Variants in IFT122 observed in about 807,000 individuals in gnomAD.
The protein encoded by IFT122 is intraflagellar transport 122, also known as intraflagellar transport protein 122 homolog.
A neutral mutation model predicts 161.6 loss-of-function variants in IFT122; 118 were observed. The observed-to-expected ratio is 0.73, with a 90% CI of 0.63 to 0.85. The LOEUF (loss-of-function observed/expected upper bound fraction) is 0.85, where lower values mean the gene tolerates loss of function less well. Ranked by LOEUF, IFT122 falls within the 40% of genes least tolerant of loss-of-function variation. The pLI, the probability that IFT122 is intolerant of heterozygous loss-of-function variation, is 0.00. For missense variants in IFT122, 1,381 were observed against 1,579.6 expected, an observed-to-expected ratio of 0.87 and a Z score of 2.13; for synonymous variants, 550 against 602.4, an observed-to-expected ratio of 0.91 and a Z score of 1.27.
intron 23 of IFT122, among the ~76,000 whole-genome samples, chr3:129,510,541 G>C (rs1322348091): frequency 2.0e-5 from 3 of 152,132 alleles, no homozygotes; most frequent in Non-Finnish European, 4.4e-5. Flanking sequence ...CTCAACTTAG[G>C]CTGGAAGTCA....
chr3:129,510,504 G>A (rs1448377373), intron 23 of IFT122, among the ~76,000 whole-genome samples: 2 of 152,274 alleles, frequency 1.3e-5, no homozygotes, highest in African/African-American at 4.8e-5. Context: ...CTCACCTGGA[G>A]AGAAACCACC....
chr3:129,440,920 T>C (rs942636081), intron 1 of IFT122, among the ~76,000 whole-genome samples: 1 of 152,212 alleles, frequency 6.6e-6, no homozygotes, highest in African/African-American at 2.4e-5. Flanking sequence ...AAGCTGTAGC[T>C]AGCTATTGTT....
intron 1 of IFT122, among the ~76,000 whole-genome samples, chr3:129,444,081 C>T (rs558618358): frequency 3.0e-4 from 46 of 152,284 alleles, no homozygotes; most frequent in Non-Finnish European, 4.1e-4. Flanking sequence ...AAGTGTCAGG[C>T]GCTTTGGATA....
chr3:129,452,705 T>C (rs1393339250), intron 3 of IFT122, among the ~76,000 whole-genome samples: 1 of 152,206 alleles, frequency 6.6e-6, no homozygotes, highest in Admixed American at 6.5e-5. Context: ...TCAGTCAAAA[T>C]GGAACTACTG....
intron 16 of IFT122, 92 bp downstream of exon 16, chr3:129,488,489 G>A: frequency 6.5e-7 from 1 of 1,537,610 alleles, no homozygotes; most frequent in Non-Finnish European, 9.0e-7. Context: ...AGAGGCCATA[G>A]ACTGCAGCAG....
At chr3:129,517,690 G>A (rs1211083966) in intron 27 of IFT122, 96 bp downstream of exon 27, 39 of 1,468,530 alleles carry the variant, frequency 2.7e-5, no homozygotes, top group African/African-American at 2.8e-5. Flanking sequence ...GGGATCGCGG[G>A]CCATGCTGAG....
intron 1 of IFT122, among the ~76,000 whole-genome samples, chr3:129,442,335 AGTGGTT>A (rs1278608802): frequency 1.3e-5 from 2 of 152,182 alleles, no homozygotes; most frequent in Non-Finnish European, 2.9e-5. Flanking sequence ...GAGACAGGTC[AGTGGTT>A]GTTGTTACTA....
intron 8 of IFT122, among the ~76,000 whole-genome samples, chr3:129,468,322 C>A (rs1220606005): frequency 6.6e-6 from 1 of 152,084 alleles, no homozygotes; most frequent in African/African-American, 2.4e-5. Context: ...GGATTAAGAC[C>A]CAGCCTCAAG....
intron 5 of IFT122, among the ~76,000 whole-genome samples, chr3:129,462,427 T>A (rs2076297391): frequency 6.6e-6 from 1 of 152,222 alleles, no homozygotes; most frequent in African/African-American, 2.4e-5. Context: ...ATTATTCTCA[T>A]TCCCACCCTA....
chr3:129,463,461 A>T, intron 5 of IFT122, 99 bp from the exon 6 acceptor site: 6 of 904,142 alleles, frequency 6.6e-6, no homozygotes, highest in Non-Finnish European at 1.1e-5. Context: ...AATCCTGGAG[A>T]TCCATCTAAG....
At chr3:129,466,310 A>ATGTCTAATGC (rs1559881902) in intron 7 of IFT122, among the ~76,000 whole-genome samples, 1 of 151,938 alleles carries the variant, frequency 6.6e-6, no homozygotes, top group African/African-American at 2.4e-5. Flanking sequence ...TGTACCATGC[A>ATGTCTAATGC]TGTCTAATGC....
chr3:129,476,141 T>C (rs1301511743), intron 9 of IFT122, 174 bp from the exon 10 acceptor site: 5 of 695,896 alleles, frequency 7.2e-6, no homozygotes, highest in African/African-American at 1.8e-5. Context: ...AGTAGGGAGA[T>C]GCAGAGGCAG....
At chr3:129,495,956 G>A (rs538140101) in intron 18 of IFT122, among the ~76,000 whole-genome samples, 11 of 152,346 alleles carry the variant, frequency 7.2e-5, no homozygotes, top group Admixed American at 7.2e-4. Context: ...CTTGTCAGGA[G>A]CCGCCAAGAA....
At chr3:129,478,781 A>T (rs2078280891) in intron 12 of IFT122, among the ~76,000 whole-genome samples, 1 of 152,220 alleles carries the variant, frequency 6.6e-6, no homozygotes. Flanking sequence ...ACATCTTGTC[A>T]TACTGGGATT....
At chr3:129,482,130 G>A (rs1280023258) in intron 14 of IFT122, among the ~76,000 whole-genome samples, 1 of 152,238 alleles carries the variant, frequency 6.6e-6, no homozygotes, top group Non-Finnish European at 1.5e-5. Context: ...GAAACAGGAT[G>A]TTTTGTCATC....
At chr3:129,470,473 G>T (rs2077252375) in intron 9 of IFT122, among the ~76,000 whole-genome samples, 10 of 151,788 alleles carry the variant, frequency 6.6e-5, no homozygotes, top group Admixed American at 6.6e-4. Context: ...CACTGTGTTA[G>T]CCAGGATGGT....
intron 7 of IFT122, 96 bp from the exon 8 acceptor site, chr3:129,466,794 C>G: frequency 8.3e-7 from 1 of 1,201,162 alleles, no homozygotes; most frequent in Non-Finnish European, 1.2e-6. Context: ...TGAGTCACTG[C>G]ACCTGGCCCC....
In IFT122 at chr3:129,466,818, C is replaced by A. The variant is rs6805886; in HGVS notation, c.564-72C>A. 1,496,910 of 1,496,912 alleles carry A rather than the reference C, an allele frequency of 1. 748,454 individuals carry two copies. The highest frequency in any genetic ancestry group is 1 in the Middle Eastern group (5,326 of 5,326). 92.7% of individuals were successfully genotyped at this position (1,496,912 alleles called of 1,614,324 possible). ...GCACCTGGCCCCCAGGGGCTCCTTGCCAGGATTTTAAATTATAGTTTTAGT... is the reference window on the plus strand; with the variant it reads ...GCACCTGGCCCCCAGGGGCTCCTTGACAGGATTTTAAATTATAGTTTTAGT... On this transcript the variant is annotated intron_variant, in intron 7 of 29. Coordinates refer to ENST00000348417, the MANE Select transcript of IFT122 (RefSeq NM_052989.3).
chr3:129,465,114 AGTGTGTGTGTGTGTGTGTGTGT>A (rs56116340), intron 7 of IFT122, among the ~76,000 whole-genome samples: 1,686 of 142,412 alleles, frequency 0.012, 12 homozygotes, highest in South Asian at 0.031. Flanking sequence ...CATGTATATG[AGTGTGTGTGTGTGTGTGTGTGT>A]GTGTGTGTGT....
Sources: gnomAD v4.1 joint callset for allele counts (sites outside exome capture counted in the v4.1 genomes callset) on GRCh38, gnomAD v4.1.1 for gene constraint, MANE v1.5 for transcripts, NCBI Gene and HGNC (gene_info 2026-07-23, HGNC 2026-07-21) for gene names.